The following CAPN3 variants were observed in gnomAD, a reference collection of about 807,000 sequenced individuals.
The protein encoded by CAPN3 is calpain 3.
In CAPN3, 88 loss-of-function variants were observed where a neutral mutation model predicts 114.0. The ratio of observed to expected loss-of-function variants is 0.77; its 90% CI spans 0.65 to 0.92. The LOEUF (loss-of-function observed/expected upper bound fraction) is 0.92. Ranked by LOEUF, CAPN3 falls within the 40% of genes least tolerant of loss-of-function variation. The probability of loss-of-function intolerance (pLI) is 0.00; values close to 1 mark genes in which losing one functional copy is unlikely to be tolerated. For missense variants in CAPN3, 1,028 were observed against 1,069.0 expected (o/e 0.96, Z 0.53); for synonymous variants, 386 against 382.9 (o/e 1.01, Z -0.09).
Position 42,359,964 on chromosome 15 carries a change from TATC to T in CAPN3, c.160_162del (p.Ile54del), listed in dbSNP as rs1566965982. The T allele has an allele frequency of 6.2e-7, 1 of 1,614,204 alleles. No individual in the cohort carries two copies. The highest frequency in any genetic ancestry group is 1.7e-5 in the Admixed American group (1 of 60,022). On this transcript the variant is annotated inframe_deletion, in exon 1 of 24. Transcript: ENST00000397163. ...CCATCATCAGCCGCAATTTTCCTAT[TATC>T]GGAGTGAAAGAGAAGACATTCGAGC... is the stretch of plus-strand genomic sequence containing the variant.
chr15:42,367,398 A>G (rs2052816335), intron 1 of CAPN3, among the ~76,000 whole-genome samples: 1 of 152,190 alleles, frequency 6.6e-6, no homozygotes, highest in Admixed American at 6.5e-5. Context: ...TGCCTCAGCT[A>G]ACACTGGGTG....
chr15:42,409,883 G>GGGCCC, intron 18 of CAPN3, 39 bp downstream of exon 18: 1 of 559,674 alleles, frequency 1.8e-6, no homozygotes, highest in Non-Finnish European at 3.5e-6. Context: ...GGTGGGTGGG[G>GGGCCC]AGTCCCGTTG....
intron 1 of CAPN3, among the ~76,000 whole-genome samples, chr15:42,383,234 C>T (rs961219508): frequency 6.6e-6 from 1 of 151,994 alleles, no homozygotes; most frequent in East Asian, 1.9e-4. Flanking sequence ...AGAGAGAGAC[C>T]CTGTTTGAAC....
At chr15:42,394,146 ACCCTCGCGTAAGAGATTTGCCC>A in intron 7 of CAPN3, 88 bp from the exon 8 acceptor site, 1 of 980,076 alleles carries the variant, frequency 1.0e-6, no homozygotes, top group South Asian at 1.4e-5. Context: ...CAGGCAGAAC[ACCCTCGCGTAAGAGATTTGCCC>A]CCCAGCCCCG....
intron 6 of CAPN3, 57 bp from the exon 7 acceptor site, chr15:42,392,582 A>C: frequency 7.3e-7 from 1 of 1,369,640 alleles, no homozygotes; most frequent in South Asian, 1.2e-5. Context: ...TTTGCCTCCA[A>C]GCAGCAGAAC....
Position 42,359,823 on chromosome 15 carries a change from C to T in CAPN3, c.18C>T (p.Ser6=), listed in dbSNP as rs144722502. The T allele has an allele frequency of 9.3e-6, 15 of 1,613,838 alleles. No individual in the cohort carries two copies. Among genetic ancestry groups the T allele is most frequent in the Admixed American group, 6.7e-5 (4 of 60,026 alleles). Residue 6 remains serine (S), a synonymous_variant, in exon 1 of 24, where the codon AGC becomes AGT. Transcript: ENST00000397163. The part of the protein sequence containing the change: MPTVI[S]ASVAPRTAAE... ...CACTTGCCATGCCGACCGTCATTAG[C>T]GCATCTGTGGCTCCAAGGACAGCGG...
At chr15:42,399,722 G>T in intron 10 of CAPN3, 70 bp downstream of exon 10, 4 of 1,272,948 alleles carry the variant, frequency 3.1e-6, no homozygotes, top group Middle Eastern at 2.7e-4. Flanking sequence ...CCTAACTAGT[G>T]CTTATTAAGT....
intron 8 of CAPN3, among the ~76,000 whole-genome samples, chr15:42,395,123 G>A (rs1035414298): frequency 1.3e-5 from 2 of 152,160 alleles, no homozygotes; most frequent in Non-Finnish European, 2.9e-5. Context: ...TTACTGGTTC[G>A]TTCAGTCATT....
At chr15:42,410,796 T>G in intron 21 of CAPN3, 88 bp from the exon 22 acceptor site, 1 of 1,382,838 alleles carries the variant, frequency 7.2e-7, no homozygotes, top group East Asian at 2.3e-5. Context: ...CCTTCCCAGG[T>G]CACAGAGTGG....
Position 42,399,517 on chromosome 15 carries a change from C to G in CAPN3, c.1219C>G (p.His407Asp), listed in dbSNP as rs1223848076. Residue 407 changes from histidine (H) to aspartate (D), a missense_variant, in exon 10 of 24, where the codon CAT becomes GAT. His to Asp is a moderately conservative substitution (Grantham distance 81). Coordinates refer to ENST00000397163, the MANE Select transcript of CAPN3 (RefSeq NM_000070.3). ...FWMSYEDFIYHFTKLEICNLT... is the reference protein window; with the variant it reads ...FWMSYEDFIYDFTKLEICNLT... ...GATGTCCTATGAGGATTTCATCTAC[C>G]ATTTCACAAAGTTGGAGATCTGCAA... 4 of 1,613,766 alleles carry G rather than the reference C, an allele frequency of 2.5e-6. No homozygotes were observed. Among genetic ancestry groups the G allele is most frequent in the South Asian group, 1.1e-5 (1 of 91,058 alleles).
intron 3 of CAPN3, 31 bp downstream of exon 3, chr15:42,386,316 C>T (rs1420724893): frequency 3.4e-6 from 5 of 1,466,834 alleles, no homozygotes; most frequent in Non-Finnish European, 4.8e-6. Flanking sequence ...TTAAGAGGGC[C>T]AGCGGCAGGC....
chr15:42,394,141 A>G (rs2053628944), intron 7 of CAPN3, 115 bp from the exon 8 acceptor site: 3 of 956,000 alleles, frequency 3.1e-6, no homozygotes, highest in Non-Finnish European at 3.3e-6. Flanking sequence ...AGAGCCAGGC[A>G]GAACACCCTC....
intron 15 of CAPN3, among the ~76,000 whole-genome samples, chr15:42,407,037 C>G (rs2054044073): frequency 6.6e-6 from 1 of 152,104 alleles, no homozygotes; most frequent in Admixed American, 6.6e-5. Flanking sequence ...CTCTGCCTGC[C>G]CAGTTGTTCT....
rs2053486041 is a variant in CAPN3 at position 42,389,111 on chromosome 15, T to C, written c.801+15T>C. 6.2e-7 allele frequency: 1 copy of C among 1,613,364 alleles called. No homozygotes were observed. Among genetic ancestry groups the C allele is most frequent in the African/African-American group, 1.3e-5 (1 of 74,858 alleles). ...GCTCCATTGATGTAAGTCTGGGGTG[T>C]GGGGCACAGGGTGGGGAGCTCCAAG... On this transcript the variant is annotated intron_variant, in intron 5 of 23. Transcript: ENST00000397163.
chr15:42,394,390 G>T (rs564904902), intron 8 of CAPN3, 49 bp downstream of exon 8: 1 of 1,422,222 alleles, frequency 7.0e-7, no homozygotes, highest in Admixed American at 2.0e-5. Context: ...AACAGGGTCC[G>T]GGACAAGGCT....
At chr15:42,381,797 C>A (rs1027306785) in intron 1 of CAPN3, among the ~76,000 whole-genome samples, 1 of 152,170 alleles carries the variant, frequency 6.6e-6, no homozygotes, top group Non-Finnish European at 1.5e-5. Context: ...CTCAGCCTCC[C>A]AAAATGCTGT....
In CAPN3 at chr15:42,390,090, G is replaced by C. The variant is rs78369269; in HGVS notation, c.939G>C (p.Pro313=). 5 of 1,614,024 alleles carry C rather than the reference G, an allele frequency of 3.1e-6. No homozygotes were observed. Among genetic ancestry groups the C allele is most frequent in the Admixed American group, 3.3e-5 (2 of 60,014 alleles). ...DLDPRGSDER[P]TRTIIPVQYE... ...ACCCCAGAGGCTCAGATGAAAGACC[G>C]ACCCGGGTGTGTACACCTCCGATTA... The change falls in exon 6 of 24, where the codon CCG becomes CCC. Residue 313 remains proline (P), a synonymous_variant. Coordinates refer to ENST00000397163, the MANE Select transcript of CAPN3 (RefSeq NM_000070.3).
intron 8 of CAPN3, 142 bp downstream of exon 8, chr15:42,394,483 G>T: frequency 1.3e-6 from 1 of 747,276 alleles, no homozygotes; most frequent in Admixed American, 2.2e-5. Flanking sequence ...GAGAAGAGGG[G>T]CACAGGTGTT....
chr15:42,381,299 T>C (rs2053245227), intron 1 of CAPN3, among the ~76,000 whole-genome samples: 1 of 152,172 alleles, frequency 6.6e-6, no homozygotes, highest in African/African-American at 2.4e-5. Flanking sequence ...TTAACATTTC[T>C]TGCATGGCAG....
Sources: gnomAD v4.1 joint callset for allele counts (sites outside exome capture counted in the v4.1 genomes callset) on GRCh38, gnomAD v4.1.1 for gene constraint, MANE v1.5 for transcripts, NCBI Gene and HGNC (gene_info 2026-07-23, HGNC 2026-07-21) for gene names.